Variants in RNLS observed in about 807,000 individuals in gnomAD.
RNLS encodes the protein renalase.
A neutral mutation model predicts 39.8 loss-of-function variants in RNLS; 39 were observed. That is an observed-to-expected ratio of 0.98 (90% CI 0.76 to 1.28). The LOEUF (loss-of-function observed/expected upper bound fraction) is 1.28. Ranked by LOEUF, RNLS falls within the 50% of genes most tolerant of loss-of-function variation. RNLS has a pLI of 0.00. For synonymous variants in RNLS, 147 were observed against 150.7 expected, an observed-to-expected ratio of 0.98 and a Z score of 0.18; for missense variants, 410 against 413.3, an observed-to-expected ratio of 0.99 and a Z score of 0.07.
the RNLS span, among the ~76,000 whole-genome samples, chr10:88,218,874 C>A: frequency 6.6e-6 from 1 of 152,276 alleles, no homozygotes; most frequent in East Asian, 1.9e-4. Context: ...CTCATGCTTC[C>A]CTCCAAATCT....
chr10:88,374,530 T>C (rs1850813177), intron 4 of RNLS, among the ~76,000 whole-genome samples: 1 of 152,140 alleles, frequency 6.6e-6, no homozygotes, highest in Non-Finnish European at 1.5e-5. Flanking sequence ...CATATCCACC[T>C]CACACACCTG....
At chr10:88,425,301 G>A (rs1854677509) in intron 4 of RNLS, among the ~76,000 whole-genome samples, 1 of 152,016 alleles carries the variant, frequency 6.6e-6, no homozygotes, top group Admixed American at 6.6e-5. Context: ...TAGACTTAGA[G>A]TAAAGTTAAA....
intron 4 of RNLS, among the ~76,000 whole-genome samples, chr10:88,491,853 G>C (rs1161347916): frequency 6.6e-6 from 1 of 151,830 alleles, no homozygotes; most frequent in Non-Finnish European, 1.5e-5. Flanking sequence ...AGGTAATAAA[G>C]GACCATTAAG....
intron 4 of RNLS, among the ~76,000 whole-genome samples, chr10:88,447,549 G>A (rs1053029035): frequency 2.6e-5 from 4 of 152,160 alleles, no homozygotes; most frequent in Non-Finnish European, 2.9e-5. Context: ...CTCATGGGTA[G>A]GAAGAATCAA....
chr10:88,205,735 A>G, the RNLS span, among the ~76,000 whole-genome samples: 1 of 152,164 alleles, frequency 6.6e-6, no homozygotes, highest in Non-Finnish European at 1.5e-5. Context: ...TTCCTTTTAA[A>G]AAATCAAATA....
chr10:88,583,300 C>T lies in RNLS; in HGVS notation c.-110G>A, dbSNP rs1235928363. On this transcript the variant is annotated 5_prime_UTR_variant, in exon 1 of 7. Coordinates refer to ENST00000331772, the MANE Select transcript of RNLS (RefSeq NM_001031709.3). Reference sequence around the variant, plus strand: ...CTAGCGCTCTTTGGTTCCGTGCTCCCTGGGCCGACCTGGGCCCTGAGCTTT... The same window carrying T: ...CTAGCGCTCTTTGGTTCCGTGCTCCTTGGGCCGACCTGGGCCCTGAGCTTT... 13 of 1,476,918 alleles carry T rather than the reference C, an allele frequency of 8.8e-6. No homozygotes were observed. The highest frequency in any genetic ancestry group is 3.6e-6 in the Non-Finnish European group (4 of 1,121,658). 91.5% of individuals were successfully genotyped at this position (1,476,918 alleles called of 1,614,324 possible).
At chr10:88,430,907 C>A (rs1177385494) in intron 4 of RNLS, among the ~76,000 whole-genome samples, 2 of 151,258 alleles carry the variant, frequency 1.3e-5, no homozygotes, top group Admixed American at 1.3e-4. Flanking sequence ...AATTTTTTTT[C>A]TCTTTTTATA....
At chr10:88,181,373 A>C in the RNLS span, among the ~76,000 whole-genome samples, 1 of 152,178 alleles carries the variant, frequency 6.6e-6, no homozygotes, top group Non-Finnish European at 1.5e-5. Context: ...TGACACCTTG[A>C]TTTTAGCTTG....
intron 5 of RNLS, among the ~76,000 whole-genome samples, chr10:88,317,972 G>T (rs1845889955): frequency 6.6e-6 from 1 of 152,180 alleles, no homozygotes; most frequent in South Asian, 2.1e-4. Context: ...CTGCCCTCTG[G>T]ATCACGGGCA....
chr10:88,542,760 C>A (rs1223988310), intron 4 of RNLS, among the ~76,000 whole-genome samples: 1 of 152,122 alleles, frequency 6.6e-6, no homozygotes, highest in Non-Finnish European at 1.5e-5. Flanking sequence ...GCTGAAGAAG[C>A]ATATTTGATT....
At chr10:88,527,241 C>G (rs1197719406) in intron 4 of RNLS, among the ~76,000 whole-genome samples, 2 of 152,182 alleles carry the variant, frequency 1.3e-5, no homozygotes, top group African/African-American at 4.8e-5. Context: ...CTCCCTACAC[C>G]AGCAACCTTC....
chr10:88,274,884 T>C (rs1842754708), exon 7 of RNLS: 2 of 1,046,014 alleles, frequency 1.9e-6, no homozygotes, highest in Middle Eastern at 2.0e-4. Flanking sequence ...ATAATAGCTA[T>C]CCTAAAGGCT....
intron 3 of RNLS, among the ~76,000 whole-genome samples, chr10:88,580,155 C>A (rs570137029): frequency 6.6e-6 from 1 of 152,314 alleles, no homozygotes; most frequent in South Asian, 2.1e-4. Flanking sequence ...GACTTACCAA[C>A]CAACATAATC....
intron 6 of RNLS, among the ~76,000 whole-genome samples, chr10:88,291,121 G>A (rs1206953385): frequency 6.6e-6 from 1 of 152,156 alleles, no homozygotes; most frequent in Non-Finnish European, 1.5e-5. Flanking sequence ...AATATGGCAA[G>A]TACTAAGTAA....
Position 88,572,958 on chromosome 10 carries a change from A to T in RNLS, c.471T>A (p.Ile157=), listed in dbSNP as rs1849933478. 6.2e-7 allele frequency: 1 copy of T among 1,614,050 alleles called. No individual in the cohort carries two copies. Among genetic ancestry groups the T allele is most frequent in the Non-Finnish European group, 8.5e-7 (1 of 1,179,944 alleles). ...QTGSPEQFDL[I]VLTMPVPEIL... ...TCTCAGGAACTGGCATTGTGAGAAC[A>T]ATAAGATCAAACTGCTCAGGGGAGC... The change falls in exon 4 of 7, where the codon ATT becomes ATA. Residue 157 remains isoleucine, a synonymous_variant. Coordinates refer to ENST00000331772, the MANE Select transcript of RNLS (RefSeq NM_001031709.3).
Position 88,284,400 on chromosome 10 carries a change from G to A in RNLS, c.*954C>T. Reference sequence around the variant, plus strand: ...CAGGTAGCTGGTTTGGAAGGCTGGAGATTGATTTCTCTCCAGCTAGCAAGT... The same window carrying A: ...CAGGTAGCTGGTTTGGAAGGCTGGAAATTGATTTCTCTCCAGCTAGCAAGT... On this transcript the variant is annotated 3_prime_UTR_variant, in exon 7 of 7. Transcript: ENST00000331772. 6.1e-6 allele frequency: 6 copies of A among 985,384 alleles called. No individual in the cohort carries two copies. Among genetic ancestry groups the A allele is most frequent in the Non-Finnish European group, 7.2e-6 (6 of 829,914 alleles). The allele number at this position is 985,384 out of a possible 1,614,324, so 61.0% of individuals were successfully genotyped here. A position where few individuals can be genotyped will look rare whatever the true frequency, so the allele number is the denominator to read the frequency against.
chr10:88,466,277 T>C (rs920663304), intron 4 of RNLS, among the ~76,000 whole-genome samples: 3 of 151,536 alleles, frequency 2.0e-5, no homozygotes, highest in Admixed American at 6.6e-5. Context: ...TAAGCAAAAA[T>C]AAAAAATTCT....
the RNLS span, among the ~76,000 whole-genome samples, chr10:88,195,715 C>G: frequency 2.6e-5 from 4 of 152,132 alleles, no homozygotes; most frequent in Non-Finnish European, 4.4e-5. Context: ...TGGAGCTTGC[C>G]TAAATAGAAT....
intron 5 of RNLS, among the ~76,000 whole-genome samples, chr10:88,348,407 T>C (rs1444071386): frequency 3.3e-5 from 5 of 152,128 alleles, no homozygotes; most frequent in Non-Finnish European, 5.9e-5. Flanking sequence ...CTTTTATAAA[T>C]CTCAGCCTGA....
Sources: allele counts gnomAD v4.1 joint callset (sites outside exome capture counted in the v4.1 genomes callset), GRCh38; gene constraint gnomAD v4.1.1; transcripts MANE v1.5; gene names NCBI Gene and HGNC (gene_info 2026-07-23, HGNC 2026-07-21).